The following ESYT3 variants were observed in gnomAD, a reference collection of about 807,000 sequenced individuals.
ESYT3 encodes extended synaptotagmin-3.
Under a neutral mutation model 111.5 loss-of-function variants are expected in ESYT3, and 101 were observed. The ratio of observed to expected loss-of-function variants is 0.91; its 90% CI spans 0.77 to 1.07. The LOEUF (loss-of-function observed/expected upper bound fraction) is 1.07, where lower values mean the gene tolerates loss of function less well. ESYT3 is among the 50% of genes least tolerant of loss of function. The pLI, the probability that ESYT3 is intolerant of heterozygous loss-of-function variation, is 0.00. For synonymous variants in ESYT3, 416 were observed against 446.8 expected (o/e 0.93, Z 0.87); for missense variants, 1,097 against 1,109.4 (o/e 0.99, Z 0.16).
Position 138,472,461 on chromosome 3 carries a change from G to A in ESYT3, c.1839G>A (p.Gln613=), listed in dbSNP as rs1204044094. ...PLLIKKVATN[Q]GPKAQPQEEG... is the part of the protein sequence containing the mutation. ...TCATCAAGAAAGTGGCTACCAACCA[G>A]GGTCCCAAAGCCCAACCTCAGGAAG... is the stretch of plus-strand genomic sequence containing the variant. The change falls in exon 18 of 23, where the codon CAG becomes CAA. Residue 613 remains glutamine (Q), a synonymous_variant. Transcript: ENST00000389567. 6.2e-7 allele frequency: 1 copy of A among 1,614,184 alleles called. No homozygotes were observed. Among genetic ancestry groups the A allele is most frequent in the Admixed American group, 1.7e-5 (1 of 60,022 alleles).
Position 138,455,149 on chromosome 3 carries a change from G to T in ESYT3, c.370-45G>T, listed in dbSNP as rs770047195. 2.5e-6 allele frequency: 4 copies of T among 1,608,298 alleles called. No homozygotes were observed. The Admixed American group carries it at 6.7e-5, about 27-fold the overall frequency. The stretch of plus-strand genomic sequence containing the variant: ...TCCCATGCAGCTGTGGGTCTGCAGT[G>T]GGGGTACAGACCTGACTACCAAGAG... On this transcript the variant is annotated intron_variant, in intron 2 of 22. Transcript: ENST00000389567.
At chr3:138,452,137 G>A (rs1398428467) in intron 2 of ESYT3, 48 bp downstream of exon 2, 5 of 1,589,884 alleles carry the variant, frequency 3.1e-6, no homozygotes, top group Non-Finnish European at 4.3e-6. Context: ...TGCCAGCCTC[G>A]TCCTCCCCGC....
In ESYT3 at chr3:138,468,879, AGAGTGAGT is replaced by A; in HGVS notation, c.1434+3_1434+10del. 1 of 1,614,204 alleles carries A rather than the reference AGAGTGAGT, an allele frequency of 6.2e-7. No individual in the cohort carries two copies. Among genetic ancestry groups the A allele is most frequent in the Non-Finnish European group, 8.5e-7 (1 of 1,180,024 alleles). The stretch of plus-strand genomic sequence containing the variant: ...AGCCAAAAAACTCTCCAGGTTTGCC[AGAGTGAGT>A]GAGTATGTGGCTAAAAACTCCAGGG... On this transcript the variant is annotated splice_donor_variant and splice_donor_5th_base_variant and coding_sequence_variant and intron_variant, in exon 14 of 23. Transcript: ENST00000389567. LOFTEE classifies it high-confidence loss of function.
At position 138,462,282 on chromosome 3, in the gene ESYT3, G is replaced by C. The variant is rs996695986; in HGVS notation, c.915+76G>C. ...TATCCTCTCAGCCTTCACATGTGGT[G>C]CATTGGCTTTATTTCACACTAATGC... On this transcript the variant is annotated intron_variant, in intron 8 of 22. Transcript: ENST00000389567. 1.9e-6 allele frequency: 3 copies of C among 1,595,312 alleles called. No homozygotes were observed. The East Asian group carries it at 6.7e-5, about 36-fold the overall frequency.
At chr3:138,475,651 G>C (rs962881788) in intron 20 of ESYT3, among the ~76,000 whole-genome samples, 2 of 152,222 alleles carry the variant, frequency 1.3e-5, no homozygotes, top group Admixed American at 6.5e-5. Flanking sequence ...GCCAGGGGCA[G>C]GTGTGGTGGC....
chr3:138,473,614 CG>C lies in ESYT3; in HGVS notation c.2317del (p.Val773CysfsTer2), dbSNP rs1318380432. ...RYVCLRRCLS[V>X]LINGCRNLTP... ...ATGTGTGTCTGCGGCGCTGCCTCAG[CG>C]TGCTAATCAATGGCTGCAGGTAAAG... On this transcript the variant is annotated frameshift_variant, in exon 19 of 23. Coordinates refer to ENST00000389567, the MANE Select transcript of ESYT3 (RefSeq NM_031913.5). LOFTEE classifies it high-confidence loss of function. 6.2e-7 allele frequency: 1 copy of C among 1,613,380 alleles called. No homozygotes were observed. Among genetic ancestry groups the C allele is most frequent in the East Asian group, 2.2e-5 (1 of 44,870 alleles).
chr3:138,439,223 C>T (rs1415812149), intron 1 of ESYT3, among the ~76,000 whole-genome samples: 1 of 152,198 alleles, frequency 6.6e-6, no homozygotes, highest in Non-Finnish European at 1.5e-5. Flanking sequence ...CTCTGTTTCC[C>T]GGGCTTCCTA....
intron 2 of ESYT3, among the ~76,000 whole-genome samples, chr3:138,453,910 C>T (rs13085181): frequency 0.54 from 81,877 of 152,046 alleles, 23,044 homozygotes; most frequent in East Asian, 0.93. Context: ...TGGCCTTGAA[C>T]TCCTAGGCTG....
At chr3:138,459,340 C>T (rs1018831057) in intron 5 of ESYT3, 87 bp downstream of exon 5, 23 of 1,123,238 alleles carry the variant, frequency 2.0e-5, no homozygotes, top group African/African-American at 3.1e-5. Context: ...CAGAGTAGGC[C>T]GCAGAAGGTG....
chr3:138,452,079 G>T lies in ESYT3; in HGVS notation c.359G>T (p.Trp120Leu). 1 of 1,607,774 alleles carries T rather than the reference G, an allele frequency of 6.2e-7. No homozygotes were observed. The change falls in exon 2 of 23, where the codon TGG (tryptophan) becomes TTG (leucine). Residue 120 changes from tryptophan to leucine, a missense_variant. Coordinates refer to ENST00000389567, the MANE Select transcript of ESYT3 (RefSeq NM_031913.5). ...IHFPDVERVE[W>L]ANKIISQTWP... ...TTCCCGGACGTGGAGCGGGTCGAGT[G>T]GGCCAACAAGGTAAGGCCGCTGGCA...
rs1018863349 is a variant in ESYT3, at chr3:138,477,684, T to G, written c.*830T>G. 1 of 152,212 alleles carries G rather than the reference T, an allele frequency of 6.6e-6. No homozygotes were observed. Among genetic ancestry groups the G allele is most frequent in the Non-Finnish European group, 1.5e-5 (1 of 68,032 alleles). The allele number at this position is 152,212 out of a possible 1,614,324, so 9.4% of individuals were successfully genotyped here. A position where few individuals can be genotyped will look rare whatever the true frequency, so the allele number is the denominator to read the frequency against. ...CAGATAAGTTTAGGCTATTCAACTT[T>G]TCTAAAGAGATGGTTGGTTCACCTA... On this transcript the variant is annotated 3_prime_UTR_variant, in exon 23 of 23. Coordinates refer to ENST00000389567, the MANE Select transcript of ESYT3 (RefSeq NM_031913.5).
At chr3:138,460,330 C>A (rs184854655) in intron 6 of ESYT3, among the ~76,000 whole-genome samples, 88 of 152,350 alleles carry the variant, frequency 5.8e-4, no homozygotes, top group South Asian at 1.2e-3. Flanking sequence ...GACGATCCTA[C>A]TCCTGTAGGG....
intron 11 of ESYT3, 72 bp downstream of exon 11, chr3:138,467,681 G>A: frequency 1.4e-6 from 2 of 1,441,848 alleles, no homozygotes; most frequent in Non-Finnish European, 1.9e-6. Context: ...CCAGCAGCTT[G>A]CTTCAGCCCA....
rs1011433866 is a variant in ESYT3 at position 138,434,831 on chromosome 3, C to T, written c.33C>T (p.Ala11=). MRAEEPCAPG[A]PSALGAQRTP... Reference sequence around the variant, plus strand: ...CAGAGGAGCCCTGCGCCCCCGGGGCCCCCAGCGCCCTGGGAGCCCAGCGCA... The same window carrying T: ...CAGAGGAGCCCTGCGCCCCCGGGGCTCCCAGCGCCCTGGGAGCCCAGCGCA... The change falls in exon 1 of 23, where the codon GCC becomes GCT. Residue 11 remains alanine, a synonymous_variant. Coordinates refer to ENST00000389567, the MANE Select transcript of ESYT3 (RefSeq NM_031913.5). 16 of 1,556,612 alleles carry T rather than the reference C, an allele frequency of 1.0e-5. No homozygotes were observed. The highest frequency in any genetic ancestry group is 1.2e-5 in the Non-Finnish European group (14 of 1,151,564).
rs1344690909 is a variant in ESYT3, at chr3:138,476,933, C to G, written c.*79C>G. 9.4e-7 allele frequency: 1 copy of G among 1,066,068 alleles called. No homozygotes were observed. Among genetic ancestry groups the G allele is most frequent in the African/African-American group, 1.6e-5 (1 of 61,722 alleles). 66.0% of individuals were successfully genotyped at this position (1,066,068 alleles called of 1,614,324 possible). A position where few individuals can be genotyped will look rare whatever the true frequency, so the allele number is the denominator to read the frequency against. On this transcript the variant is annotated 3_prime_UTR_variant, in exon 23 of 23. Coordinates refer to ENST00000389567, the MANE Select transcript of ESYT3 (RefSeq NM_031913.5). ...ATTTTTTCCTTTGGATCACTTACAT[C>G]CAATATATGTATATTTTGTCATTTA...
intron 20 of ESYT3, among the ~76,000 whole-genome samples, chr3:138,475,148 A>T (rs1303527952): frequency 6.6e-6 from 1 of 152,210 alleles, no homozygotes; most frequent in Non-Finnish European, 1.5e-5. Flanking sequence ...CTATTCATTC[A>T]ACATTTACTG....
rs1041211971 is a variant in ESYT3 at position 138,435,894 on chromosome 3, C to G, written c.327+769C>G. Among the ~76,000 whole-genome samples, 1 of 152,192 alleles carries G rather than the reference C, an allele frequency of 6.6e-6. No individual in the cohort carries two copies. The highest frequency in any genetic ancestry group is 1.5e-5 in the Non-Finnish European group (1 of 68,038). On this transcript the variant is annotated intron_variant, in intron 1 of 22. Transcript: ENST00000389567. This position sits in a 1 kb window ranked among gnomAD's most constrained non-coding sequence, Gnocchi z 4.8. The stretch of plus-strand genomic sequence containing the variant: ...TATGATTAGGTGAGCTTGGGAAACA[C>G]CGGCAAGAGGGGTGTTCCGTCCAAT...
Position 138,434,718 on chromosome 3 carries a change from A to G in ESYT3, c.-81A>G. On this transcript the variant is annotated 5_prime_UTR_variant, in exon 1 of 23. Coordinates refer to ENST00000389567, the MANE Select transcript of ESYT3 (RefSeq NM_031913.5). ...CGGCGTCCTGGTCCTCGAGCTTGGG[A>G]GACAGATGCGCATGGGCGTGGGGGC... 7.9e-7 allele frequency: 1 copy of G among 1,261,096 alleles called. No individual in the cohort carries two copies. The highest frequency in any genetic ancestry group is 1.1e-6 in the Non-Finnish European group (1 of 944,300). 78.1% of individuals were successfully genotyped at this position (1,261,096 alleles called of 1,614,324 possible).
chr3:138,459,924 G>A (rs2032526895), intron 5 of ESYT3, 21 bp from the exon 6 acceptor site: 1 of 1,610,212 alleles, frequency 6.2e-7, no homozygotes, highest in Non-Finnish European at 8.5e-7. Flanking sequence ...GGCCCCTCAC[G>A]GGCCCTCTGT....
Sources: gnomAD v4.1 joint callset for allele counts (sites outside exome capture counted in the v4.1 genomes callset) on GRCh38, gnomAD v4.1.1 for gene constraint, Gnocchi (gnomAD v3.1) non-coding constraint, MANE v1.5 for transcripts, NCBI Gene and HGNC (gene_info 2026-07-23, HGNC 2026-07-21) for gene names.